The following SPOCK3 variants were observed in gnomAD, a reference collection of about 807,000 sequenced individuals.
SPOCK3 encodes SPARC (osteonectin), cwcv and kazal like domains proteoglycan 3, also known as testican-3.
In SPOCK3, 30 loss-of-function variants were observed where a neutral mutation model predicts 56.6. The observed-to-expected ratio is 0.53, with a 90% CI of 0.40 to 0.72. The LOEUF (loss-of-function observed/expected upper bound fraction) is 0.72. Among genes scored for constraint, SPOCK3 ranks in the 30% least tolerant of loss-of-function variants. The pLI is 0.00. For missense variants in SPOCK3, 527 were observed against 530.0 expected, an observed-to-expected ratio of 0.99 and a Z score of 0.06; for synonymous variants, 196 against 183.3, an observed-to-expected ratio of 1.07 and a Z score of -0.56.
intron 6 of SPOCK3, among the ~76,000 whole-genome samples, chr4:166,859,446 T>C (rs1731018545): frequency 6.6e-6 from 1 of 152,138 alleles, no homozygotes; most frequent in African/African-American, 2.4e-5. Flanking sequence ...TGCACAAATG[T>C]ATTTACTCTT....
rs78631241 is a variant in SPOCK3, at chr4:167,038,373, A to C, written c.235+24119T>G. Among the ~76,000 whole-genome samples, 54 of 152,344 alleles carry C rather than the reference A, an allele frequency of 3.5e-4. No individual in the cohort carries two copies. In the East Asian group the frequency reaches 0.01, roughly 29 times the overall value. ...CATGGCATACTTTCTTCATCTCTTAACATAGCATTCCTACATTTTGTGTTC... is the reference window on the plus strand; with the variant it reads ...CATGGCATACTTTCTTCATCTCTTACCATAGCATTCCTACATTTTGTGTTC... On this transcript the variant is annotated intron_variant, in intron 3 of 10. Coordinates refer to ENST00000357545, the MANE Select transcript of SPOCK3 (RefSeq NM_001040159.2).
intron 2 of SPOCK3, among the ~76,000 whole-genome samples, chr4:167,089,388 C>T (rs1468464796): frequency 6.6e-6 from 1 of 151,946 alleles, no homozygotes; most frequent in African/African-American, 2.4e-5. Context: ...AATTTTTTCC[C>T]TGAATTTTAA....
intron 4 of SPOCK3, among the ~76,000 whole-genome samples, chr4:166,934,740 A>T (rs1050417683): frequency 6.6e-6 from 1 of 152,174 alleles, no homozygotes; most frequent in Non-Finnish European, 1.5e-5. Context: ...TCTAGCACAT[A>T]CATTTCTAGA....
chr4:166,771,675 T>A (rs1488824137), intron 7 of SPOCK3, among the ~76,000 whole-genome samples: 4 of 152,122 alleles, frequency 2.6e-5, no homozygotes, highest in Non-Finnish European at 5.9e-5. Flanking sequence ...GCACATCATA[T>A]GTTTAGAAAC....
intron 4 of SPOCK3, among the ~76,000 whole-genome samples, chr4:166,971,016 C>G (rs760502024): frequency 3.9e-5 from 6 of 152,176 alleles, no homozygotes; most frequent in Non-Finnish European, 7.3e-5. Flanking sequence ...CGCATACCAG[C>G]ATACCTGGCT....
chr4:167,205,552 T>TATA (rs1414303215), intron 2 of SPOCK3, among the ~76,000 whole-genome samples: 1 of 61,456 alleles, frequency 1.6e-5, no homozygotes, highest in Non-Finnish European at 2.7e-5. Context: ...TATTATATAA[T>TATA]ATATAATATA....
intron 2 of SPOCK3, among the ~76,000 whole-genome samples, chr4:167,104,265 AAT>A (rs1238726513): frequency 6.6e-6 from 1 of 152,314 alleles, no homozygotes; most frequent in East Asian, 1.9e-4. Context: ...ATCCTGGAGA[AAT>A]AGAGATATGT....
chr4:166,834,712 T>C (rs1326451394), intron 6 of SPOCK3, among the ~76,000 whole-genome samples: 2 of 152,330 alleles, frequency 1.3e-5, no homozygotes, highest in East Asian at 3.9e-4. Context: ...AGAAAATGAA[T>C]CCCGTTTCCC....
At chr4:166,844,187 A>T (rs1037044814) in intron 6 of SPOCK3, among the ~76,000 whole-genome samples, 1 of 152,228 alleles carries the variant, frequency 6.6e-6, no homozygotes, top group African/African-American at 2.4e-5. Context: ...AACAAAAGGT[A>T]CCAGAATGGC....
intron 4 of SPOCK3, among the ~76,000 whole-genome samples, chr4:166,994,242 T>C (rs570994634): frequency 6.6e-6 from 1 of 152,266 alleles, no homozygotes; most frequent in Admixed American, 6.5e-5. Context: ...CTATCATGGA[T>C]GAAGTAGTTC....
At chr4:166,851,153 C>A (rs573814746) in intron 6 of SPOCK3, among the ~76,000 whole-genome samples, 2 of 152,292 alleles carry the variant, frequency 1.3e-5, no homozygotes, top group South Asian at 4.1e-4. Flanking sequence ...CAAGTGGGTC[C>A]CTAACCCCTG....
chr4:166,804,868 T>C, intron 6 of SPOCK3, among the ~76,000 whole-genome samples: 1 of 152,128 alleles, frequency 6.6e-6, no homozygotes, highest in Non-Finnish European at 1.5e-5. Context: ...TCCTTAAGAA[T>C]TACTATTCTG....
intron 3 of SPOCK3, among the ~76,000 whole-genome samples, chr4:167,012,300 T>C (rs1257628975): frequency 6.6e-6 from 1 of 151,054 alleles, no homozygotes; most frequent in Non-Finnish European, 1.5e-5. Context: ...TTTCCTCATA[T>C]GAGCTGGAAA....
intron 6 of SPOCK3, among the ~76,000 whole-genome samples, chr4:166,827,383 G>A (rs1745584597): frequency 6.6e-6 from 1 of 152,050 alleles, no homozygotes; most frequent in South Asian, 2.1e-4. Flanking sequence ...TACAGCAGCT[G>A]GGAACACTGC....
intron 6 of SPOCK3, among the ~76,000 whole-genome samples, chr4:166,803,089 A>C (rs1742790743): frequency 6.6e-6 from 1 of 152,172 alleles, no homozygotes; most frequent in African/African-American, 2.4e-5. Context: ...TATCTTCAAA[A>C]ATTATTCCTT....
At chr4:167,086,980 A>G (rs1384329604) in intron 2 of SPOCK3, among the ~76,000 whole-genome samples, 1 of 152,172 alleles carries the variant, frequency 6.6e-6, no homozygotes, top group Non-Finnish European at 1.5e-5. Flanking sequence ...TAGACCGCCC[A>G]GATAGCAATC....
chr4:167,015,257 T>C (rs1401166643), intron 3 of SPOCK3, among the ~76,000 whole-genome samples: 1 of 152,112 alleles, frequency 6.6e-6, no homozygotes, highest in Non-Finnish European at 1.5e-5. Flanking sequence ...TGGCAATGTT[T>C]ATAAAAGACT....
intron 2 of SPOCK3, among the ~76,000 whole-genome samples, chr4:167,199,963 T>C (rs1032913391): frequency 6.6e-6 from 1 of 151,932 alleles, no homozygotes; most frequent in Non-Finnish European, 1.5e-5. Context: ...ATCTATTTAA[T>C]AGTGAATGTT....
intron 5 of SPOCK3, among the ~76,000 whole-genome samples, chr4:166,908,057 A>T (rs1169084992): frequency 6.6e-6 from 1 of 152,040 alleles, no homozygotes; most frequent in Non-Finnish European, 1.5e-5. Flanking sequence ...CAAACTTCTC[A>T]TGATTAGGTG....
Sources: allele counts gnomAD v4.1 joint callset (sites outside exome capture counted in the v4.1 genomes callset), GRCh38; gene constraint gnomAD v4.1.1; transcripts MANE v1.5; gene names NCBI Gene and HGNC (gene_info 2026-07-23, HGNC 2026-07-21).